The following PALD1 variants were observed in gnomAD, a reference collection of about 807,000 sequenced individuals.
PALD1 encodes the protein phosphatase domain containing paladin 1.
A neutral mutation model predicts 96.0 loss-of-function variants in PALD1; 57 were observed. The observed-to-expected ratio is 0.59, with a 90% CI of 0.48 to 0.74. The LOEUF is 0.74. PALD1 is among the 30% of genes least tolerant of loss of function. The pLI, the probability that PALD1 is intolerant of heterozygous loss-of-function variation, is 0.00. For missense variants in PALD1, 1,063 were observed against 1,143.7 expected (o/e 0.93, Z 1.02); for synonymous variants, 464 against 473.6 (o/e 0.98, Z 0.26).
chr10:70,525,104 C>T (rs947397529), intron 1 of PALD1, among the ~76,000 whole-genome samples: 1 of 151,954 alleles, frequency 6.6e-6, no homozygotes, highest in Non-Finnish European at 1.5e-5. Context: ...CGGGTTCAAG[C>T]GATTCTCGTG....
intron 1 of PALD1, among the ~76,000 whole-genome samples, chr10:70,479,495 C>T (rs953766704): frequency 2.6e-5 from 4 of 152,210 alleles, no homozygotes; most frequent in African/African-American, 9.6e-5. Flanking sequence ...GTCCAGAAGT[C>T]TCAGCGGGCA....
chr10:70,480,433 T>C (rs1030790902), intron 1 of PALD1, among the ~76,000 whole-genome samples: 2 of 152,148 alleles, frequency 1.3e-5, no homozygotes. Flanking sequence ...CAGTTTCCTA[T>C]GAGTGCAGAC....
chr10:70,532,967 C>T (rs1419268048), intron 6 of PALD1, 28 bp from the exon 7 acceptor site: 2 of 1,562,850 alleles, frequency 1.3e-6, no homozygotes, highest in Non-Finnish European at 1.7e-6. Flanking sequence ...GGGTGCCTGC[C>T]TGATGGCTGC....
intron 1 of PALD1, among the ~76,000 whole-genome samples, chr10:70,499,075 T>G (rs1161899294): frequency 6.6e-6 from 1 of 152,192 alleles, no homozygotes; most frequent in Non-Finnish European, 1.5e-5. Context: ...ACCATATCCC[T>G]ATGAAGTAGG....
chr10:70,462,884 C>T, the PALD1 span, among the ~76,000 whole-genome samples: 18 of 152,356 alleles, frequency 1.2e-4, no homozygotes, highest in South Asian at 3.7e-3. Context: ...TGGCCACACC[C>T]AGGAGCCCCT....
intron 2 of PALD1, among the ~76,000 whole-genome samples, chr10:70,528,598 C>A (rs887505356): frequency 1.3e-5 from 2 of 152,160 alleles, no homozygotes; most frequent in Non-Finnish European, 2.9e-5. Context: ...GACTGTCCCT[C>A]CAATACAATC....
At chr10:70,562,225 C>G (rs536396598) in intron 18 of PALD1, among the ~76,000 whole-genome samples, 1 of 152,358 alleles carries the variant, frequency 6.6e-6, no homozygotes, top group South Asian at 2.1e-4. Flanking sequence ...GTCCCCTCGC[C>G]CCTCTTGGGC....
chr10:70,469,862 C>T, the PALD1 span, among the ~76,000 whole-genome samples: 1 of 152,036 alleles, frequency 6.6e-6, no homozygotes, highest in African/African-American at 2.4e-5. Flanking sequence ...GGTGCAATCT[C>T]GGCTCGCTGC....
chr10:70,564,038 C>T (rs570166327), intron 18 of PALD1, among the ~76,000 whole-genome samples: 81 of 152,266 alleles, frequency 5.3e-4, no homozygotes, highest in African/African-American at 1.6e-3. Flanking sequence ...CTCAGCATAC[C>T]TCAGGCGCCA....
chr10:70,561,505 G>A (rs1044724933), intron 18 of PALD1, among the ~76,000 whole-genome samples: 1 of 152,196 alleles, frequency 6.6e-6, no homozygotes, highest in Non-Finnish European at 1.5e-5. Flanking sequence ...AGGTGGGGTT[G>A]CGTTGTATTG....
chr10:70,520,673 T>TTTTCTTTC (rs1330260010), intron 1 of PALD1, among the ~76,000 whole-genome samples: 1 of 137,848 alleles, frequency 7.3e-6, no homozygotes, highest in Non-Finnish European at 1.5e-5. Context: ...GTTTCTTTTC[T>TTTTCTTTC]TTTCTTTCTT....
Position 70,539,688 on chromosome 10 carries a change from C to G in PALD1, c.1834C>G (p.Gln612Glu). 6.2e-7 allele frequency: 1 copy of G among 1,613,770 alleles called. No homozygotes were observed. Among genetic ancestry groups the G allele is most frequent in the African/African-American group, 1.3e-5 (1 of 75,012 alleles). ...TCLTMQEVFS[Q>E]HRRACPGLTY... ...CCTTACCATGCAGGAGGTCTTCAGC[C>G]AGCACCGCAGGGCCTGTCCTGGCCT... Residue 612 changes from glutamine (Q) to glutamate (E), a missense_variant, in exon 15 of 20, where the codon CAG (glutamine) becomes GAG (glutamate). Coordinates refer to ENST00000263563, the MANE Select transcript of PALD1 (RefSeq NM_014431.3). The surrounding 1 kb of genome is among the most constrained non-coding windows in gnomAD (Gnocchi z 4.5).
At chr10:70,526,903 C>T (rs1051455849) in intron 2 of PALD1, among the ~76,000 whole-genome samples, 11 of 152,112 alleles carry the variant, frequency 7.2e-5, no homozygotes, top group Non-Finnish European at 1.6e-4. Flanking sequence ...TTCCGCACAT[C>T]AAAGTTTGGC....
At chr10:70,542,805 G>A (rs1847278334) in intron 17 of PALD1, among the ~76,000 whole-genome samples, 1 of 152,178 alleles carries the variant, frequency 6.6e-6, no homozygotes, top group South Asian at 2.1e-4. Context: ...GGAATTGCTG[G>A]ATCCTATCGT....
intron 16 of PALD1, 95 bp from the exon 17 acceptor site, chr10:70,541,368 C>G: frequency 6.6e-7 from 1 of 1,524,478 alleles, no homozygotes; most frequent in Non-Finnish European, 9.1e-7. Flanking sequence ...TCCCAGAGCC[C>G]CTTCCATCAG....
intron 1 of PALD1, 29 bp from the exon 2 acceptor site, chr10:70,525,894 C>G (rs900235185): frequency 6.3e-7 from 1 of 1,584,686 alleles, no homozygotes; most frequent in Admixed American, 1.7e-5. Flanking sequence ...CCCATCCCCT[C>G]CTTCACTGCA....
intron 1 of PALD1, among the ~76,000 whole-genome samples, chr10:70,520,240 C>G (rs74139676): frequency 0.038 from 5,804 of 152,186 alleles, 366 homozygotes; most frequent in African/African-American, 0.13. Context: ...TACCAGTCAT[C>G]TTTTTCAAGC....
chr10:70,509,917 C>T (rs1004491454), intron 1 of PALD1, among the ~76,000 whole-genome samples: 1 of 152,194 alleles, frequency 6.6e-6, no homozygotes, highest in Non-Finnish European at 1.5e-5. Flanking sequence ...AATTCAGCCG[C>T]TGAAATGTCT....
Position 70,540,562 on chromosome 10 carries a change from G to A in PALD1, c.1909-540G>A, listed in dbSNP as rs117351335. 9.3e-3 allele frequency among the ~76,000 whole-genome samples: 1,418 copies of A among 152,170 alleles called. 12 individuals are homozygous for A. The highest frequency in any genetic ancestry group is 0.014 in the Non-Finnish European group (970 of 67,972). The stretch of plus-strand genomic sequence containing the variant: ...TGTGCGTGGTGCGTGTGTTGTAGGT[G>A]GGTCGCTGTGTGCTGTGTAACTGGC... On this transcript the variant is annotated intron_variant, in intron 15 of 19. Transcript: ENST00000263563. The surrounding 1 kb of genome is among the most constrained non-coding windows in gnomAD (Gnocchi z 4.2).
Sources: gnomAD v4.1 joint callset for allele counts (sites outside exome capture counted in the v4.1 genomes callset) on GRCh38, gnomAD v4.1.1 for gene constraint, Gnocchi (gnomAD v3.1) non-coding constraint, MANE v1.5 for transcripts, NCBI Gene and HGNC (gene_info 2026-07-23, HGNC 2026-07-21) for gene names.